Variants in FABP6 observed in about 807,000 individuals in gnomAD.
FABP6 encodes fatty acid binding protein 6.
A neutral mutation model predicts 14.9 loss-of-function variants in FABP6; 13 were observed. That is an observed-to-expected ratio of 0.87 (90% CI 0.57 to 1.39). FABP6 has a LOEUF of 1.39. Among genes scored for constraint, FABP6 ranks in the 40% most tolerant of loss-of-function variants. The probability of loss-of-function intolerance (pLI) is 0.00; values close to 1 mark genes in which losing one functional copy is unlikely to be tolerated. For missense variants in FABP6, 161 were observed against 167.2 expected (o/e 0.96, Z 0.20); for synonymous variants, 75 against 63.6 (o/e 1.18, Z -0.85).
rs1759568168 is a variant in FABP6 at position 160,198,798 on chromosome 5, C to G, written c.-58-251C>G. On this transcript the variant is annotated intron_variant, in intron 1 of 6. Transcript: ENST00000393980. The stretch of plus-strand genomic sequence containing the variant: ...AGATTCCTTTCTCAGACATGCCTTC[C>G]CTGCCCACCCCATCTGAAAACGACC... The G allele has an allele frequency of 1.0e-5, 4 of 393,038 alleles. No homozygotes were observed. In the South Asian group the frequency reaches 1.4e-4, roughly 14 times the overall value. 24.3% of individuals were successfully genotyped at this position (393,038 alleles called of 1,614,324 possible).
intron 2 of FABP6, among the ~76,000 whole-genome samples, chr5:160,209,618 C>T: frequency 6.6e-6 from 1 of 152,148 alleles, no homozygotes; most frequent in East Asian, 1.9e-4. Context: ...ACAGAGAGTC[C>T]CCACCAGCAA....
At chr5:160,237,017 T>C (rs1415974911) in intron 3 of FABP6, among the ~76,000 whole-genome samples, 1 of 152,138 alleles carries the variant, frequency 6.6e-6, no homozygotes, top group East Asian at 1.9e-4. Flanking sequence ...CTAATAGATG[T>C]ACAGTGTTGA....
At chr5:160,198,841 A>G (rs59553402) in intron 1 of FABP6, 85,769 of 499,208 alleles carry the variant, frequency 0.17, 8,084 homozygotes, top group Non-Finnish European at 0.19. Context: ...ATACTGGCCC[A>G]TCATCCTGTT....
chr5:160,196,463 C>T (rs1247013152), intron 1 of FABP6: 1 of 152,228 alleles, frequency 6.6e-6, no homozygotes, highest in Non-Finnish European at 1.5e-5. Context: ...TATATACGAG[C>T]CTCAGGTCTT....
At chr5:160,213,018 A>C (rs576494748) in intron 2 of FABP6, among the ~76,000 whole-genome samples, 30 of 152,246 alleles carry the variant, frequency 2.0e-4, no homozygotes, top group Non-Finnish European at 1.2e-4. Context: ...CTTTGGGGAG[A>C]GGTAACTGTC....
chr5:160,227,543 A>AAAAG (rs397950212), upstream of FABP6, among the ~76,000 whole-genome samples: 4 of 146,932 alleles, frequency 2.7e-5, no homozygotes, highest in Admixed American at 6.8e-5. Context: ...AAAAAAAAAA[A>AAAAG]GGCATGGTGG....
chr5:160,218,074 G>A (rs897141367), intron 3 of FABP6, among the ~76,000 whole-genome samples: 1 of 152,090 alleles, frequency 6.6e-6, no homozygotes, highest in Non-Finnish European at 1.5e-5. Context: ...GTAGCAGGGG[G>A]ACTACGGACA....
chr5:160,223,158 C>G (rs1002503071), intron 3 of FABP6, among the ~76,000 whole-genome samples: 1 of 152,126 alleles, frequency 6.6e-6, no homozygotes, highest in Admixed American at 6.6e-5. Flanking sequence ...TGGAACAAAT[C>G]TGTCAGCACC....
At chr5:160,215,276 G>A (rs529587577) in intron 3 of FABP6, among the ~76,000 whole-genome samples, 2 of 152,312 alleles carry the variant, frequency 1.3e-5, no homozygotes, top group Non-Finnish European at 2.9e-5. Context: ...CACTTTGGGA[G>A]GACAAGGTGG....
At chr5:160,232,357 C>A in intron 2 of FABP6, 84 bp downstream of exon 2, 1 of 1,381,192 alleles carries the variant, frequency 7.2e-7, no homozygotes. Flanking sequence ...CGCTCCCGAG[C>A]TGAGGCTTCT....
chr5:160,226,291 G>A (rs1206946501), upstream of FABP6, among the ~76,000 whole-genome samples: 9 of 151,934 alleles, frequency 5.9e-5, no homozygotes, highest in East Asian at 9.7e-4. Flanking sequence ...GGCCGAGCGC[G>A]GTGGCTCACG....
upstream of FABP6, chr5:160,229,487 G>T: frequency 6.2e-7 from 1 of 1,609,466 alleles, no homozygotes; most frequent in Non-Finnish European, 8.5e-7. Context: ...TTATAAGCTG[G>T]GATAGCAGAC....
rs768409793 is a variant in FABP6 at position 160,191,264 on chromosome 5, G to A, written c.-59+3810G>A. On this transcript the variant is annotated intron_variant, in intron 1 of 6. Transcript: ENST00000393980. The stretch of plus-strand genomic sequence containing the variant: ...GTGGATCACCTGAGGTCAGGAGTTC[G>A]AGACCAGCCTGGCCAACATGGTGAC... 2.6e-5 allele frequency among the ~76,000 whole-genome samples: 4 copies of A among 151,884 alleles called. No homozygotes were observed. In the East Asian group the frequency reaches 5.8e-4, roughly 22 times the overall value.
At chr5:160,197,764 G>T (rs1759538706) in intron 1 of FABP6, 2 of 65,446 alleles carry the variant, frequency 3.1e-5, no homozygotes, top group African/African-American at 7.7e-5. Context: ...CGTCTGGAGA[G>T]AAATGCTGCA....
At chr5:160,196,738 A>G (rs1260402875) in intron 1 of FABP6, 1 of 152,018 alleles carries the variant, frequency 6.6e-6, no homozygotes, top group Non-Finnish European at 1.5e-5. Flanking sequence ...ACGCCCGGCT[A>G]ATTGTTTTGT....
chr5:160,237,474 G>A (rs1221251723), intron 3 of FABP6, among the ~76,000 whole-genome samples: 1 of 151,880 alleles, frequency 6.6e-6, no homozygotes, highest in Non-Finnish European at 1.5e-5. Context: ...ATCTCTAGAG[G>A]CCCAGAATCA....
chr5:160,200,693 C>T (rs965101672), intron 2 of FABP6, among the ~76,000 whole-genome samples: 2 of 152,178 alleles, frequency 1.3e-5, no homozygotes, highest in African/African-American at 2.4e-5. Flanking sequence ...GGGTTACAGG[C>T]GTGAGCCACC....
intron 3 of FABP6, among the ~76,000 whole-genome samples, chr5:160,217,128 T>A (rs1433557715): frequency 6.6e-6 from 1 of 152,178 alleles, no homozygotes. Flanking sequence ...GCATTGCAGG[T>A]CCATGTTAGA....
At chr5:160,219,110 A>G (rs1216185319) in intron 3 of FABP6, among the ~76,000 whole-genome samples, 1 of 152,138 alleles carries the variant, frequency 6.6e-6, no homozygotes, top group Non-Finnish European at 1.5e-5. Context: ...ATTTTAGTGG[A>G]GGAAAGAGGA....
Sources: allele counts gnomAD v4.1 joint callset (sites outside exome capture counted in the v4.1 genomes callset), GRCh38; gene constraint gnomAD v4.1.1; transcripts MANE v1.5; gene names NCBI Gene and HGNC (gene_info 2026-07-23, HGNC 2026-07-21).